SCFD1: variants seen among roughly 807,000 people sequenced by gnomAD.
SCFD1 encodes the protein sec1 family domain containing 1.
A neutral mutation model predicts 103.2 loss-of-function variants in SCFD1; 37 were observed. The ratio of observed to expected loss-of-function variants is 0.36; its 90% CI spans 0.28 to 0.47. SCFD1 has a LOEUF of 0.47. Among genes scored for constraint, SCFD1 ranks in the 20% least tolerant of loss-of-function variants. The pLI is 1.00. For missense variants in SCFD1, 639 were observed against 761.2 expected, an observed-to-expected ratio of 0.84 and a Z score of 1.89; for synonymous variants, 264 against 245.0, an observed-to-expected ratio of 1.08 and a Z score of -0.73.
intron 14 of SCFD1, among the ~76,000 whole-genome samples, chr14:30,684,750 T>C (rs2139273431): frequency 6.9e-6 from 1 of 145,202 alleles, no homozygotes; most frequent in Non-Finnish European, 1.5e-5. Context: ...TTTTTTTTAC[T>C]TTTTAAAATA....
At chr14:30,669,459 T>C (rs1221062266) in intron 10 of SCFD1, among the ~76,000 whole-genome samples, 3 of 152,036 alleles carry the variant, frequency 2.0e-5, no homozygotes, top group African/African-American at 4.8e-5. Flanking sequence ...ATGCAAGAAG[T>C]TGGGGGAAAG....
chr14:30,655,253 A>G (rs1000538883), intron 10 of SCFD1, among the ~76,000 whole-genome samples: 17 of 152,228 alleles, frequency 1.1e-4, no homozygotes, highest in African/African-American at 3.1e-4. Flanking sequence ...AGTGAATTAT[A>G]TAGCTATGTG....
intron 1 of SCFD1, among the ~76,000 whole-genome samples, chr14:30,624,732 C>A (rs903586000): frequency 6.6e-6 from 1 of 152,190 alleles, no homozygotes; most frequent in African/African-American, 2.4e-5. Flanking sequence ...CCATTTCAAC[C>A]ATGATAAAAG....
chr14:30,678,149 T>G (rs1216152230), intron 14 of SCFD1, among the ~76,000 whole-genome samples: 3 of 152,168 alleles, frequency 2.0e-5, no homozygotes, highest in Non-Finnish European at 4.4e-5. Flanking sequence ...TAAATATTTT[T>G]TACTAGCTAG....
At chr14:30,655,446 G>A (rs1391146558) in intron 10 of SCFD1, among the ~76,000 whole-genome samples, 4 of 152,138 alleles carry the variant, frequency 2.6e-5, no homozygotes, top group African/African-American at 9.7e-5. Flanking sequence ...TGATTGTAAA[G>A]GCCATTGACT....
At chr14:30,659,173 GTT>G (rs542816136) in intron 10 of SCFD1, among the ~76,000 whole-genome samples, 72 of 116,384 alleles carry the variant, frequency 6.2e-4, no homozygotes, top group African/African-American at 1.1e-3. Flanking sequence ...AGCTGCTATA[GTT>G]TTTTTTTTTT....
chr14:30,635,856 A>G (rs754487844), intron 4 of SCFD1, among the ~76,000 whole-genome samples: 1 of 152,112 alleles, frequency 6.6e-6, no homozygotes, highest in Non-Finnish European at 1.5e-5. Flanking sequence ...TGGTTGCACC[A>G]TTTTATATTC....
intron 23 of SCFD1, among the ~76,000 whole-genome samples, chr14:30,731,351 T>C (rs1009074488): frequency 6.6e-6 from 1 of 152,214 alleles, no homozygotes; most frequent in African/African-American, 2.4e-5. Flanking sequence ...TTTGGTTCCA[T>C]ATGAACTTTA....
intron 10 of SCFD1, 42 bp from the exon 11 acceptor site, chr14:30,670,214 A>C: frequency 6.8e-7 from 1 of 1,477,974 alleles, no homozygotes; most frequent in Non-Finnish European, 9.2e-7. Context: ...TTTTTATTAG[A>C]CTTAGAAAAC....
At chr14:30,624,416 C>G (rs1883177704) in intron 1 of SCFD1, among the ~76,000 whole-genome samples, 1 of 152,170 alleles carries the variant, frequency 6.6e-6, no homozygotes, top group South Asian at 2.1e-4. Context: ...TGAACTCAGT[C>G]TACTCCATAT....
At position 30,709,569 on chromosome 14, in the gene SCFD1, AT is replaced by A. The variant is rs577107790; in HGVS notation, c.1629+1506del. ...TTAGAAATTATTGTCAATCTCTCTC[AT>A]TCTACCTCCTGGTAAGGAGCTACTA... On this transcript the variant is annotated intron_variant, in intron 19 of 24. Coordinates refer to ENST00000458591, the MANE Select transcript of SCFD1 (RefSeq NM_016106.4). Among the ~76,000 whole-genome samples the A allele has an allele frequency of 4.6e-5, 7 of 152,248 alleles. No homozygotes were observed. The East Asian group carries it at 1.4e-3, about 29-fold the overall frequency.
Position 30,735,735 on chromosome 14 carries a change from G to A in SCFD1, c.*126G>A. Reference sequence around the variant, plus strand: ...CTAACAGTGAAAATCAGAGTTATTTGTTAATTTTTAAGGAAATTATATACT... The same window carrying A: ...CTAACAGTGAAAATCAGAGTTATTTATTAATTTTTAAGGAAATTATATACT... On this transcript the variant is annotated 3_prime_UTR_variant, in exon 25 of 25. Coordinates refer to ENST00000458591, the MANE Select transcript of SCFD1 (RefSeq NM_016106.4). 1 of 650,422 alleles carries A rather than the reference G, an allele frequency of 1.5e-6. No individual in the cohort carries two copies. Among genetic ancestry groups the A allele is most frequent in the Non-Finnish European group, 2.6e-6 (1 of 383,222 alleles). The allele number at this position is 650,422 out of a possible 1,614,324, so 40.3% of individuals were successfully genotyped here. A position where few individuals can be genotyped will look rare whatever the true frequency, so the allele number is the denominator to read the frequency against.
At chr14:30,717,601 A>C (rs1192577318) in intron 20 of SCFD1, among the ~76,000 whole-genome samples, 1 of 152,196 alleles carries the variant, frequency 6.6e-6, no homozygotes, top group African/African-American at 2.4e-5. Flanking sequence ...TGTTCCAGAA[A>C]TCATTCAAAG....
intron 10 of SCFD1, among the ~76,000 whole-genome samples, chr14:30,659,938 G>A (rs1390491072): frequency 6.6e-6 from 1 of 152,150 alleles, no homozygotes; most frequent in Non-Finnish European, 1.5e-5. Context: ...ATGAACTCAT[G>A]TTTACATTGT....
intron 10 of SCFD1, among the ~76,000 whole-genome samples, chr14:30,667,050 T>G (rs1308382477): frequency 6.6e-6 from 1 of 152,176 alleles, no homozygotes; most frequent in African/African-American, 2.4e-5. Context: ...CCCTAACTCA[T>G]TTTATGAGGC....
At chr14:30,682,974 A>T (rs1434543201) in intron 14 of SCFD1, 1 of 745,482 alleles carries the variant, frequency 1.3e-6, no homozygotes, top group African/African-American at 1.8e-5. Context: ...CTATACAGAA[A>T]TCACAAAAAA....
intron 1 of SCFD1, among the ~76,000 whole-genome samples, chr14:30,627,686 T>C (rs1883625226): frequency 6.9e-6 from 1 of 144,514 alleles, no homozygotes; most frequent in South Asian, 2.2e-4. Flanking sequence ...GAGGTTGTGG[T>C]GAGCCGAGAT....
chr14:30,623,368 T>C (rs1240036568), intron 1 of SCFD1, among the ~76,000 whole-genome samples: 3 of 152,204 alleles, frequency 2.0e-5, no homozygotes, highest in African/African-American at 7.2e-5. Context: ...ATTCCTTCCT[T>C]TGGCATTTAA....
At chr14:30,707,827 C>T (rs1891579671) in intron 18 of SCFD1, 163 bp from the exon 19 acceptor site, 1 of 705,844 alleles carries the variant, frequency 1.4e-6, no homozygotes, top group Non-Finnish European at 2.6e-6. Context: ...CTGTGATACC[C>T]ATGGCAGCAG....
Sources: allele counts gnomAD v4.1 joint callset (sites outside exome capture counted in the v4.1 genomes callset), GRCh38; gene constraint gnomAD v4.1.1; transcripts MANE v1.5; gene names NCBI Gene and HGNC (gene_info 2026-07-23, HGNC 2026-07-21).